The following NAPEPLD variants were observed in gnomAD, a reference collection of about 807,000 sequenced individuals.
NAPEPLD encodes N-acyl phosphatidylethanolamine phospholipase D.
A neutral mutation model predicts 38.1 loss-of-function variants in NAPEPLD; 23 were observed. The observed-to-expected ratio is 0.60, with a 90% confidence interval of 0.43 to 0.86. The LOEUF (loss-of-function observed/expected upper bound fraction) is 0.86, where lower values mean the gene tolerates loss of function less well. Among genes scored for constraint, NAPEPLD ranks in the 40% least tolerant of loss-of-function variants. NAPEPLD has a pLI of 0.00. For missense variants in NAPEPLD, 411 were observed against 476.8 expected (o/e 0.86, Z 1.28); for synonymous variants, 147 against 162.0 (o/e 0.91, Z 0.71).
chr7:103,128,837 A>T (rs1262255204), intron 1 of NAPEPLD, 45 bp from the exon 2 acceptor site: 1 of 1,536,758 alleles, frequency 6.5e-7, no homozygotes. Flanking sequence ...ACATAAAGGC[A>T]TTCAAACATA....
intron 1 of NAPEPLD, among the ~76,000 whole-genome samples, chr7:103,146,312 G>A (rs373937906): frequency 2.0e-5 from 3 of 150,986 alleles, no homozygotes; most frequent in South Asian, 2.1e-4. Flanking sequence ...CCCACCGCAC[G>A]CTAGCTTGGG....
intron 1 of NAPEPLD, among the ~76,000 whole-genome samples, chr7:103,133,291 T>C (rs1327154311): frequency 6.6e-6 from 1 of 152,228 alleles, no homozygotes; most frequent in Non-Finnish European, 1.5e-5. Flanking sequence ...CACAGGATTA[T>C]GGACTGCCAT....
intron 1 of NAPEPLD, among the ~76,000 whole-genome samples, chr7:103,136,865 A>C (rs1810189270): frequency 6.6e-6 from 1 of 152,240 alleles, no homozygotes; most frequent in Admixed American, 6.5e-5. Context: ...TTATAGACAA[A>C]AAATTATTTT....
intron 1 of NAPEPLD, among the ~76,000 whole-genome samples, chr7:103,131,653 G>A (rs2129531661): frequency 6.7e-6 from 1 of 149,584 alleles, no homozygotes; most frequent in Non-Finnish European, 1.5e-5. Flanking sequence ...GTGAGACTCT[G>A]TCTCAAGGGG....
rs1802467239 is a variant in NAPEPLD at position 103,101,999 on chromosome 7, T to TCCTC, written c.*1429_*1430insGAGG. ...AGGACTAAATCTTATGTCAACTGAC[T>TCCTC]CCCCCCCCGCCCCCCAACCACTGGC... is the stretch of plus-strand genomic sequence containing the variant. On this transcript the variant is annotated 3_prime_UTR_variant, in exon 5 of 5. Transcript: ENST00000465647. 1 of 124,676 alleles carries TCCTC rather than the reference T, an allele frequency of 8.0e-6. No individual in the cohort carries two copies. The highest frequency in any genetic ancestry group is 2.4e-4 in the East Asian group (1 of 4,112). The allele number at this position is 124,676 out of a possible 1,614,324, so 7.7% of individuals were successfully genotyped here.
At chr7:103,116,254 G>A (rs1305033101) in intron 3 of NAPEPLD, among the ~76,000 whole-genome samples, 1 of 152,036 alleles carries the variant, frequency 6.6e-6, no homozygotes, top group South Asian at 2.1e-4. Flanking sequence ...GTAGAACCAG[G>A]GTTTCACCAT....
chr7:103,108,431 A>G (rs1280386758), intron 4 of NAPEPLD, among the ~76,000 whole-genome samples: 2 of 152,136 alleles, frequency 1.3e-5, no homozygotes, highest in East Asian at 3.9e-4. Flanking sequence ...GTGAGCCACC[A>G]CGCCCAGCTC....
At chr7:103,105,771 A>G (rs1312510885) in intron 4 of NAPEPLD, among the ~76,000 whole-genome samples, 2 of 152,188 alleles carry the variant, frequency 1.3e-5, no homozygotes, top group East Asian at 3.9e-4. Context: ...TGTCTCTACT[A>G]AAAATACAAA....
At chr7:103,141,034 T>A (rs1811193998) in intron 1 of NAPEPLD, among the ~76,000 whole-genome samples, 1 of 152,124 alleles carries the variant, frequency 6.6e-6, no homozygotes, top group Non-Finnish European at 1.5e-5. Context: ...ATTTCAGTAT[T>A]CTTGCCTCTC....
intron 1 of NAPEPLD, among the ~76,000 whole-genome samples, chr7:103,142,955 G>A (rs1585904293): frequency 6.6e-6 from 1 of 152,144 alleles, no homozygotes; most frequent in East Asian, 1.9e-4. Flanking sequence ...CAGGTACAGG[G>A]GCTCACACCT....
rs1802602774 is a variant in NAPEPLD, at chr7:103,102,886, T to C, written c.*543A>G. On this transcript the variant is annotated 3_prime_UTR_variant, in exon 5 of 5. Transcript: ENST00000465647. ...TTTATGCTTACCTAAATAAACCATA[T>C]TTAATATTTGGCATATAAGCTAATT... 6.5e-6 allele frequency: 1 copy of C among 152,674 alleles called. No homozygotes were observed. The allele number at this position is 152,674 out of a possible 1,614,324, so 9.5% of individuals were successfully genotyped here.
chr7:103,133,658 G>A (rs1809447549), intron 1 of NAPEPLD, among the ~76,000 whole-genome samples: 1 of 152,192 alleles, frequency 6.6e-6, no homozygotes, highest in African/African-American at 2.4e-5. Context: ...CTAGCTTTGA[G>A]CTCTTCAAGC....
intron 4 of NAPEPLD, among the ~76,000 whole-genome samples, chr7:103,109,346 C>T (rs1804043537): frequency 6.6e-6 from 1 of 152,164 alleles, no homozygotes; most frequent in South Asian, 2.1e-4. Context: ...GGAAGTAAAA[C>T]ACTCCTCAAC....
intron 1 of NAPEPLD, among the ~76,000 whole-genome samples, chr7:103,140,506 C>A (rs1811039568): frequency 6.7e-6 from 1 of 149,858 alleles, no homozygotes; most frequent in African/African-American, 2.4e-5. Context: ...CATTCTCCTG[C>A]CTCAGCCTCC....
chr7:103,128,265 T>C (rs1808227229), intron 2 of NAPEPLD: 1 of 551,490 alleles, frequency 1.8e-6, no homozygotes, highest in Non-Finnish European at 3.1e-6. Context: ...CCTGTACCTC[T>C]AAAGCACTCT....
At chr7:103,138,006 C>T (rs1250701990) in intron 1 of NAPEPLD, among the ~76,000 whole-genome samples, 5 of 143,510 alleles carry the variant, frequency 3.5e-5, no homozygotes, top group East Asian at 4.0e-4. Flanking sequence ...GAGACGGAGT[C>T]GCGTTCTGTT....
chr7:103,118,723 G>T (rs898917885), intron 3 of NAPEPLD, among the ~76,000 whole-genome samples: 1 of 152,192 alleles, frequency 6.6e-6, no homozygotes, highest in African/African-American at 2.4e-5. Flanking sequence ...ATATAAACCA[G>T]AGTTGACTGA....
chr7:103,104,619 CTGAG>C (rs1207995540), intron 4 of NAPEPLD, among the ~76,000 whole-genome samples: 1 of 152,168 alleles, frequency 6.6e-6, no homozygotes. Flanking sequence ...CAACTGACTA[CTGAG>C]TAAGTTTGGT....
At chr7:103,110,078 T>C (rs1011172445) in intron 4 of NAPEPLD, among the ~76,000 whole-genome samples, 1 of 152,200 alleles carries the variant, frequency 6.6e-6, no homozygotes, top group Non-Finnish European at 1.5e-5. Context: ...ACGCAATTAA[T>C]AGCCTACCAA....
Sources: gnomAD v4.1 joint callset for allele counts (sites outside exome capture counted in the v4.1 genomes callset) on GRCh38, gnomAD v4.1.1 for gene constraint, MANE v1.5 for transcripts, NCBI Gene and HGNC (gene_info 2026-07-23, HGNC 2026-07-21) for gene names.